SH3BP1: variants seen among roughly 807,000 people sequenced by gnomAD.
SH3BP1 encodes SH3 domain-binding protein 1.
Under a neutral mutation model 69.8 loss-of-function variants are expected in SH3BP1, and 46 were observed. The ratio of observed to expected loss-of-function variants is 0.66; its 90% CI spans 0.52 to 0.84. SH3BP1 has a LOEUF of 0.84. SH3BP1 is among the 40% of genes least tolerant of loss of function. SH3BP1 has a pLI of 0.00. For synonymous variants in SH3BP1, 403 were observed against 378.0 expected (o/e 1.07, Z -0.77); for missense variants, 868 against 930.9 (o/e 0.93, Z 0.88).
At chr22:37,651,782 C>T (rs1263988298) in intron 16 of SH3BP1, among the ~76,000 whole-genome samples, 2 of 151,856 alleles carry the variant, frequency 1.3e-5, no homozygotes, top group South Asian at 4.1e-4. Flanking sequence ...TTTCAGGGCA[C>T]AGGGAGAGAG....
chr22:37,655,227 G>GC, intron 17 of SH3BP1, 45 bp from the exon 18 acceptor site: 1 of 1,451,222 alleles, frequency 6.9e-7, no homozygotes, highest in Non-Finnish European at 9.3e-7. Flanking sequence ...TTCACCACAG[G>GC]CCACGTGGAC....
chr22:37,640,914 A>T, intron 1 of SH3BP1: 1 of 588,606 alleles, frequency 1.7e-6, no homozygotes, highest in Non-Finnish European at 3.0e-6. Flanking sequence ...TGGGTGGAGG[A>T]GGAAAAACCC....
intron 6 of SH3BP1, 155 bp from the exon 7 acceptor site, chr22:37,643,488 CT>C: frequency 9.2e-7 from 1 of 1,086,154 alleles, no homozygotes; most frequent in Non-Finnish European, 1.3e-6. Flanking sequence ...ACCCAGAGCA[CT>C]CATGGCCCAG....
rs200551106 is a variant in SH3BP1, at chr22:37,644,639, C to T, written c.621C>T (p.Asp207=). 43 of 1,614,034 alleles carry T rather than the reference C, an allele frequency of 2.7e-5. No homozygotes were observed. Among genetic ancestry groups the T allele is most frequent in the Non-Finnish European group, 3.4e-5 (40 of 1,179,974 alleles). ...ELKRKVEQCR[D]EYLADLYHFV... is the part of the protein sequence containing the mutation. ...GCTCTCCCCTCTCTGTCCCCAAGGA[C>T]GAGTACTTGGCTGACCTGTACCACT... Residue 207 remains aspartate (D), a splice_region_variant and synonymous_variant, in exon 8 of 18, where the codon GAC becomes GAT. Transcript: ENST00000649765.
At chr22:37,652,048 C>T (rs531377662) in intron 16 of SH3BP1, among the ~76,000 whole-genome samples, 298 of 152,178 alleles carry the variant, frequency 2.0e-3, no homozygotes, top group Non-Finnish European at 3.1e-3. Context: ...TCACGTGGCC[C>T]GGCACGGTGG....
chr22:37,655,433 G>T lies in SH3BP1; in HGVS notation c.1855G>T (p.Val619Leu). The T allele has an allele frequency of 9.5e-7, 1 of 1,047,684 alleles. No homozygotes were observed. The highest frequency in any genetic ancestry group is 1.2e-6 in the Non-Finnish European group (1 of 800,810). The allele number at this position is 1,047,684 out of a possible 1,614,324, so 64.9% of individuals were successfully genotyped here. A position where few individuals can be genotyped will look rare whatever the true frequency, so the allele number is the denominator to read the frequency against. The part of the protein sequence containing the change: ...LVGSSLRAPT[V>L]PPPLPPTPPQ... ...TGGCAGCAGCCTCCGAGCCCCCACA[G>T]TGCCACCCCCGTTACCCCCCACACC... Residue 619 changes from valine (V) to leucine (L), a missense_variant, in exon 18 of 18, where the codon GTG becomes TTG. Val to Leu is a conservative substitution (Grantham distance 32, BLOSUM62 1). Transcript: ENST00000649765.
In SH3BP1 at chr22:37,650,672, G is replaced by T; in HGVS notation, c.1545G>T (p.Pro515=). The T allele has an allele frequency of 1.9e-6, 3 of 1,613,718 alleles. No individual in the cohort carries two copies. Among genetic ancestry groups the T allele is most frequent in the African/African-American group, 1.3e-5 (1 of 75,040 alleles). The part of the protein sequence containing the change: ...PTPATTPAPA[P]APAPAPAPAL... ...CAGCCACCACCCCGGCTCCGGCTCC[G>T]GCTCCAGCTCCAGCTCCGGCCCCAG... Residue 515 remains proline, a synonymous_variant, in exon 16 of 18, where the codon CCG becomes CCT. Coordinates refer to ENST00000649765, the MANE Select transcript of SH3BP1 (RefSeq NM_018957.6).
intron 10 of SH3BP1, 186 bp from the exon 11 acceptor site, chr22:37,646,632 C>T: frequency 2.3e-6 from 1 of 428,368 alleles, no homozygotes; most frequent in South Asian, 6.1e-5. Flanking sequence ...CAGCCCTGCC[C>T]TTTGCTCAGA....
At chr22:37,647,677 A>AT (rs530437741) in intron 13 of SH3BP1, among the ~76,000 whole-genome samples, 156 bp downstream of exon 13, 9,410 of 145,408 alleles carry the variant, frequency 0.065, 1,039 homozygotes, top group African/African-American at 0.22. Context: ...TATATATATA[A>AT]TTTTTTTTTT....
rs1281567490 is a variant in SH3BP1 at position 37,641,479 on chromosome 22, G to A, written c.207+1G>A. On this transcript the variant is annotated splice_donor_variant, in intron 3 of 17. Coordinates refer to ENST00000649765, the MANE Select transcript of SH3BP1 (RefSeq NM_018957.6). LOFTEE classifies it high-confidence loss of function. ...CGGGGCAGACATGGACAAGCGGGTG[G>A]TGAGTGGGGGGTCCCGGGAAGGAGG... is the stretch of plus-strand genomic sequence containing the variant. The A allele has an allele frequency of 6.5e-7, 1 of 1,549,116 alleles. No homozygotes were observed.
chr22:37,643,201 T>C (rs765788696), intron 6 of SH3BP1, 27 bp downstream of exon 6: 2 of 1,585,870 alleles, frequency 1.3e-6, no homozygotes, highest in African/African-American at 1.3e-5. Flanking sequence ...CTCAGGGGGC[T>C]CATATCTGGG....
In SH3BP1 at chr22:37,650,206, C is replaced by A. The variant is rs774313787; in HGVS notation, c.1371C>A (p.Val457=). 14 of 1,613,640 alleles carry A rather than the reference C, an allele frequency of 8.7e-6. No homozygotes were observed. The highest frequency in any genetic ancestry group is 1.3e-5 in the African/African-American group (1 of 74,926). The change falls in exon 15 of 18, where the codon GTC becomes GTA. Residue 457 remains valine, a synonymous_variant. Transcript: ENST00000649765. The part of the protein sequence containing the change: ...ASVSSIQVVG[V]VEALIQSADT... ...TGTCTTCCATCCAGGTGGTGGGCGT[C>A]GTCGAGGCGCTGATCCAGAGCGCAG...
intron 11 of SH3BP1, 69 bp downstream of exon 11, chr22:37,646,998 A>T: frequency 9.5e-7 from 1 of 1,048,270 alleles, no homozygotes; most frequent in Non-Finnish European, 1.4e-6. Context: ...AAACGATCCC[A>T]AGATAGCCTG....
At chr22:37,641,506 G>GACCT in intron 3 of SH3BP1, 28 bp downstream of exon 3, 1 of 1,523,094 alleles carries the variant, frequency 6.6e-7, no homozygotes, top group Non-Finnish European at 8.9e-7. Flanking sequence ...GGAAGGAGGG[G>GACCT]CCTGAGCAGG....
Position 37,652,014 on chromosome 22 carries a change from A to G in SH3BP1, c.1598+1289A>G, listed in dbSNP as rs540319935. Among the ~76,000 whole-genome samples the G allele has an allele frequency of 2.6e-4, 40 of 152,260 alleles. 1 individual carries two copies. The East Asian group carries it at 3.3e-3, about 13-fold the overall frequency. On this transcript the variant is annotated intron_variant, in intron 16 of 17. Transcript: ENST00000649765. Reference sequence around the variant, plus strand: ...GCTTCTCACCCACTCTCTGGCTTCCAGTGGCCAAAGCATCTCATAAAGATC... The same window carrying G: ...GCTTCTCACCCACTCTCTGGCTTCCGGTGGCCAAAGCATCTCATAAAGATC...
chr22:37,650,274 C>T (rs751501969), intron 15 of SH3BP1, 25 bp downstream of exon 15: 2 of 1,577,466 alleles, frequency 1.3e-6, no homozygotes, highest in Admixed American at 3.7e-5. Flanking sequence ...TGCATGGACG[C>T]CCTGCTGGGT....
chr22:37,646,740 C>A, intron 10 of SH3BP1, 78 bp from the exon 11 acceptor site: 3 of 869,780 alleles, frequency 3.4e-6, no homozygotes, highest in Non-Finnish European at 5.0e-6. Flanking sequence ...CAGTGGCACA[C>A]CCCAGGCTAC....
chr22:37,643,913 G>A, intron 7 of SH3BP1, 125 bp downstream of exon 7: 2 of 1,051,946 alleles, frequency 1.9e-6, no homozygotes, highest in Non-Finnish European at 2.8e-6. Context: ...GTGGCTAGGA[G>A]CCAGCAGAGC....
Position 37,644,887 on chromosome 22 carries a change from C to A in SH3BP1, c.705C>A (p.Ala235=). 6.2e-7 allele frequency: 1 copy of A among 1,614,010 alleles called. No homozygotes were observed. Among genetic ancestry groups the A allele is most frequent in the Non-Finnish European group, 8.5e-7 (1 of 1,180,018 alleles). Reference sequence around the variant, plus strand: ...CCCCACAGCTCCTGGAGATTCAGGCCGATTACCATCGCAGGTCACTGAGCT... The same window carrying A: ...CCCCACAGCTCCTGGAGATTCAGGCAGATTACCATCGCAGGTCACTGAGCT... ...NYFIRLLEIQ[A]DYHRRSLSSL... is the part of the protein sequence containing the mutation. The change falls in exon 9 of 18, where the codon GCC becomes GCA. Residue 235 remains alanine (A), a synonymous_variant. Coordinates refer to ENST00000649765, the MANE Select transcript of SH3BP1 (RefSeq NM_018957.6).
Sources: gnomAD v4.1 joint callset for allele counts (sites outside exome capture counted in the v4.1 genomes callset) on GRCh38, gnomAD v4.1.1 for gene constraint, MANE v1.5 for transcripts, NCBI Gene and HGNC (gene_info 2026-07-23, HGNC 2026-07-21) for gene names.